The following TEX11 variants were observed in gnomAD, a reference collection of about 807,000 sequenced individuals.
The protein encoded by TEX11 is testis expressed 11.
In TEX11, 7 loss-of-function variants were observed where a neutral mutation model predicts 84.4. That is an observed-to-expected ratio of 0.08 (90% CI 0.05 to 0.16). The LOEUF (loss-of-function observed/expected upper bound fraction) is 0.16. TEX11 is among the 10% of genes least tolerant of loss of function. TEX11 has a pLI of 1.00. For synonymous variants in TEX11, 264 were observed against 222.8 expected (o/e 1.18, Z -1.64); for missense variants, 551 against 660.5 (o/e 0.83, Z 1.82).
intron 17 of TEX11, among the ~76,000 whole-genome samples, chrX:70,648,573 A>G (rs2089775513): frequency 9.0e-6 from 1 of 111,184 alleles, no homozygotes; most frequent in Admixed American, 9.6e-5. Context: ...AAAGTACCCT[A>G]TCTTAAACTG....
chrX:70,541,019 T>C (rs2088035929), intron 28 of TEX11, among the ~76,000 whole-genome samples: 1 of 110,394 alleles, frequency 9.1e-6, no homozygotes, highest in Non-Finnish European at 1.9e-5. Context: ...TTTGAGACCA[T>C]CTCTACAAAA....
intron 23 of TEX11, among the ~76,000 whole-genome samples, chrX:70,606,689 C>T (rs973607793): frequency 9.0e-6 from 1 of 111,718 alleles, no homozygotes; most frequent in African/African-American, 3.3e-5. Context: ...GCTGAGATCC[C>T]TTCAAAGGCA....
At chrX:70,836,151 C>T (rs1434549166) in intron 7 of TEX11, among the ~76,000 whole-genome samples, 2 of 107,682 alleles carry the variant, frequency 1.9e-5, no homozygotes. Context: ...AATGGCAATA[C>T]TCCCCGAGTT....
chrX:70,842,513 A>G (rs1018291958), intron 7 of TEX11, among the ~76,000 whole-genome samples: 1 of 112,050 alleles, frequency 8.9e-6, no homozygotes, highest in African/African-American at 3.2e-5. Context: ...TGACAAACCC[A>G]CAGCCAATAT....
chrX:70,748,303 A>C (rs376961220), intron 9 of TEX11, among the ~76,000 whole-genome samples: 1 of 111,895 alleles, frequency 8.9e-6, no homozygotes, highest in East Asian at 2.8e-4. Flanking sequence ...AAAATTATTG[A>C]ACATCAAAGA....
intron 25 of TEX11, among the ~76,000 whole-genome samples, chrX:70,586,113 T>G (rs940475414): frequency 8.9e-6 from 1 of 112,593 alleles, no homozygotes; most frequent in Non-Finnish European, 1.9e-5. Context: ...GCAACTGGAT[T>G]TCCACAGGCA....
chrX:70,826,623 G>A (rs753876518), intron 8 of TEX11, among the ~76,000 whole-genome samples: 10 of 111,801 alleles, frequency 8.9e-5, no homozygotes, highest in Non-Finnish European at 1.9e-4. Flanking sequence ...CAGCAGCTGG[G>A]GAACTTTACA....
intron 11 of TEX11, among the ~76,000 whole-genome samples, 153 bp from the exon 12 acceptor site, chrX:70,725,496 TCCCTGAGGATATTTC>T (rs2090592999): frequency 8.9e-6 from 1 of 112,120 alleles, no homozygotes; most frequent in Non-Finnish European, 1.9e-5. Context: ...ATTTGTTCTA[TCCCTGAGGATATTTC>T]CCAATATTTT....
At chrX:70,903,776 C>T (rs1236127968) in intron 2 of TEX11, among the ~76,000 whole-genome samples, 1 of 109,205 alleles carries the variant, frequency 9.2e-6, no homozygotes, top group Non-Finnish European at 1.9e-5. Flanking sequence ...AAAGGAGTTA[C>T]ATTTATTTAG....
chrX:70,581,325 G>A (rs1207290332), intron 25 of TEX11, among the ~76,000 whole-genome samples: 1 of 82,959 alleles, frequency 1.2e-5, no homozygotes, highest in Non-Finnish European at 2.2e-5. Context: ...TTAAGATGGA[G>A]TCTCGCTCTG....
intron 9 of TEX11, among the ~76,000 whole-genome samples, chrX:70,754,011 A>G (rs758240123): frequency 4.6e-5 from 5 of 109,830 alleles, no homozygotes; most frequent in Non-Finnish European, 9.5e-5. Context: ...GACTCAGCAC[A>G]TTCCCAGCTG....
At chrX:70,847,062 A>G (rs1401792809) in intron 7 of TEX11, among the ~76,000 whole-genome samples, 1 of 111,678 alleles carries the variant, frequency 9.0e-6, no homozygotes, top group Non-Finnish European at 1.9e-5. Flanking sequence ...TTCTTGCTCT[A>G]GTAGTTCCTC....
chrX:70,684,136 A>G (rs2090168581), intron 13 of TEX11, among the ~76,000 whole-genome samples: 1 of 112,297 alleles, frequency 8.9e-6, no homozygotes, highest in South Asian at 3.7e-4. Context: ...AAGACTCTAA[A>G]GACTCCACCA....
intron 16 of TEX11, among the ~76,000 whole-genome samples, chrX:70,658,797 T>A (rs752806324): frequency 9.0e-6 from 1 of 111,410 alleles, no homozygotes; most frequent in South Asian, 3.8e-4. Flanking sequence ...GGGATCCTGA[T>A]TTCAAGACTT....
intron 2 of TEX11, among the ~76,000 whole-genome samples, chrX:70,901,323 C>T (rs5980731): frequency 6.8e-4 from 75 of 110,776 alleles, no homozygotes; most frequent in Non-Finnish European, 1.3e-3. Flanking sequence ...AGAGAAAAAT[C>T]ATCAGTCCTA....
intron 14 of TEX11, among the ~76,000 whole-genome samples, chrX:70,679,393 G>C (rs1160080813): frequency 1.1e-4 from 12 of 108,287 alleles, no homozygotes; most frequent in African/African-American, 4.0e-4. Flanking sequence ...TCTCTGCCCG[G>C]CCGCCCATCG....
At chrX:70,517,874 G>A in the TEX11 span, among the ~76,000 whole-genome samples, 5 of 111,060 alleles carry the variant, frequency 4.5e-5, no homozygotes, top group East Asian at 1.1e-3. Context: ...CCAGGAATTT[G>A]TCCATTTCTT....
At chrX:70,851,194 A>G (rs1474458891) in intron 7 of TEX11, among the ~76,000 whole-genome samples, 2 of 112,149 alleles carry the variant, frequency 1.8e-5, no homozygotes, top group African/African-American at 6.5e-5. Flanking sequence ...TTTGAAACTT[A>G]CTACATAGCT....
chrX:70,812,374 A>T (rs1344527998), intron 8 of TEX11, among the ~76,000 whole-genome samples: 1 of 109,845 alleles, frequency 9.1e-6, no homozygotes, highest in African/African-American at 3.3e-5. Flanking sequence ...AGGCCGGCTA[A>T]TTTTTTGTAT....
Sources: gnomAD v4.1 joint callset for allele counts (sites outside exome capture counted in the v4.1 genomes callset) on GRCh38, gnomAD v4.1.1 for gene constraint, MANE v1.5 for transcripts, NCBI Gene and HGNC (gene_info 2026-07-23, HGNC 2026-07-21) for gene names.